The following TOGARAM2 variants were observed in gnomAD, a reference collection of about 807,000 sequenced individuals.
TOGARAM2 encodes the protein TOG array regulator of axonemal microtubules protein 2.
TOGARAM2 carries 85 observed loss-of-function variants against 93.3 expected under a neutral mutation model. The observed-to-expected ratio is 0.91, with a 90% CI of 0.76 to 1.09. The LOEUF (loss-of-function observed/expected upper bound fraction) is 1.09, where lower values mean the gene tolerates loss of function less well. Ranked by LOEUF, TOGARAM2 falls within the 50% of genes least tolerant of loss-of-function variation. The probability of loss-of-function intolerance (pLI) is 0.00; values close to 1 mark genes in which losing one functional copy is unlikely to be tolerated. For synonymous variants in TOGARAM2, 593 were observed against 552.8 expected (o/e 1.07, Z -1.02); for missense variants, 1,277 against 1,334.5 (o/e 0.96, Z 0.67).
At chr2:28,963,948 A>C (rs185958564) in intron 1 of TOGARAM2, among the ~76,000 whole-genome samples, 4 of 152,180 alleles carry the variant, frequency 2.6e-5, no homozygotes, top group Non-Finnish European at 4.4e-5. Context: ...TGGAGGTTGC[A>C]GTAAGCCAAG....
chr2:28,977,604 CGTGCAGTCA>C (rs1672056760), upstream of TOGARAM2, among the ~76,000 whole-genome samples: 1 of 152,186 alleles, frequency 6.6e-6, no homozygotes. Context: ...CCTCTCCCCA[CGTGCAGTCA>C]GGTTGGTGTC....
chr2:29,022,919 A>G (rs1420093743), intron 11 of TOGARAM2, among the ~76,000 whole-genome samples, 167 bp from the exon 12 acceptor site: 1 of 152,174 alleles, frequency 6.6e-6, no homozygotes, highest in Non-Finnish European at 1.5e-5. Context: ...TTAGGATTCC[A>G]GGCCAGGGTG....
rs202118942 is a variant in TOGARAM2 at position 29,002,723 on chromosome 2, C to G, written c.615C>G (p.His205Gln). Residue 205 changes from histidine (H) to glutamine (Q), a missense_variant, in exon 5 of 20, where the codon CAC (histidine) becomes CAG (glutamine). By Grantham distance (24) the His-to-Gln change is conservative. Transcript: ENST00000379558. ...LDLPGSIPGP[H>Q]ELRPGAQEAQ... Reference sequence around the variant, plus strand: ...TACCGGGGAGCATTCCGGGTCCTCACGAGTTGAGACCCGGTGCTCAGGAGG... The same window carrying G: ...TACCGGGGAGCATTCCGGGTCCTCAGGAGTTGAGACCCGGTGCTCAGGAGG... 9.9e-6 allele frequency: 16 copies of G among 1,613,626 alleles called. No homozygotes were observed. The highest frequency in any genetic ancestry group is 1.7e-5 in the Admixed American group (1 of 59,960).
rs150711143 is a variant in TOGARAM2 at position 29,020,086 on chromosome 2, C to T, written c.1361-2072C>T. On this transcript the variant is annotated intron_variant, in intron 10 of 19. Coordinates refer to ENST00000379558, the MANE Select transcript of TOGARAM2 (RefSeq NM_199280.4). ...TGCAGTCAGTCCCTACTACTGTGTCCGGTCCCCATTGGCTGGGGTTGGACA... is the reference window on the plus strand; with the variant it reads ...TGCAGTCAGTCCCTACTACTGTGTCTGGTCCCCATTGGCTGGGGTTGGACA... Among the ~76,000 whole-genome samples, 7 of 152,340 alleles carry T rather than the reference C, an allele frequency of 4.6e-5. No individual in the cohort carries two copies. The East Asian group carries it at 5.8e-4, about 13-fold the overall frequency.
At chr2:29,042,610 C>T (rs1432769358) in intron 18 of TOGARAM2, among the ~76,000 whole-genome samples, 1 of 152,216 alleles carries the variant, frequency 6.6e-6, no homozygotes, top group Non-Finnish European at 1.5e-5. Flanking sequence ...AGCTTACTCT[C>T]ACACCATCTG....
Position 29,006,861 on chromosome 2 carries a change from C to T in TOGARAM2, c.830+3179C>T, listed in dbSNP as rs572374196. Among the ~76,000 whole-genome samples the T allele has an allele frequency of 6.6e-5, 10 of 152,304 alleles. No individual in the cohort carries two copies. In the East Asian group the frequency reaches 1.7e-3, roughly 26 times the overall value. ...TCAGACGCTGGCCTCTTCCTCCCCT[C>T]GGAGCAGCCTTATCTGTGCCTCTCA... On this transcript the variant is annotated intron_variant, in intron 6 of 19. Coordinates refer to ENST00000379558, the MANE Select transcript of TOGARAM2 (RefSeq NM_199280.4).
intron 1 of TOGARAM2, among the ~76,000 whole-genome samples, chr2:28,992,141 C>A (rs1009379408): frequency 1.3e-5 from 2 of 152,132 alleles, no homozygotes; most frequent in Non-Finnish European, 2.9e-5. Context: ...TGGTGTCTGC[C>A]CTGTCCACAC....
intron 2 of TOGARAM2, 147 bp downstream of exon 2, chr2:28,995,009 G>T: frequency 1.0e-6 from 1 of 963,114 alleles, no homozygotes; most frequent in Non-Finnish European, 1.6e-6. Context: ...TTCCAGCCCT[G>T]GCCAGCTCCC....
chr2:28,982,322 TC>T (rs1672233274), intron 1 of TOGARAM2, among the ~76,000 whole-genome samples: 1 of 152,104 alleles, frequency 6.6e-6, no homozygotes, highest in African/African-American at 2.4e-5. Flanking sequence ...GCGGGGGACC[TC>T]AGAGGGCTGC....
rs1671884726 is a variant in TOGARAM2, at chr2:28,967,557, TATC to T, written c.-147+10863_-147+10865del. 2.6e-5 allele frequency among the ~76,000 whole-genome samples: 4 copies of T among 152,250 alleles called. No individual in the cohort carries two copies. The South Asian group carries it at 8.3e-4, about 32-fold the overall frequency. On this transcript the variant is annotated intron_variant, in intron 1 of 6. Coordinates refer to the TOGARAM2 transcript ENST00000401723. ...GTAGAAATTAAAGCTCTGGAACTCT[TATC>T]ATGAAATGTCCTCCACTGGCCCTAG...
intron 10 of TOGARAM2, among the ~76,000 whole-genome samples, chr2:29,019,180 T>TTC (rs1664778184): frequency 9.3e-6 from 1 of 107,526 alleles, no homozygotes; most frequent in Non-Finnish European, 1.7e-5. Flanking sequence ...ACTGACTCTT[T>TTC]TTTTTTTTTT....
At chr2:29,004,495 A>G (rs1673504122) in intron 6 of TOGARAM2, among the ~76,000 whole-genome samples, 1 of 152,154 alleles carries the variant, frequency 6.6e-6, no homozygotes, top group Non-Finnish European at 1.5e-5. Flanking sequence ...ATGGCTTGTA[A>G]GTAAGACAGT....
intron 18 of TOGARAM2, among the ~76,000 whole-genome samples, chr2:29,041,039 T>C (rs1666405350): frequency 6.6e-6 from 1 of 151,822 alleles, no homozygotes; most frequent in African/African-American, 2.4e-5. Flanking sequence ...TTTTTTTTTT[T>C]TTTGAGATGG....
intron 11 of TOGARAM2, among the ~76,000 whole-genome samples, chr2:29,022,692 A>G (rs1209204133): frequency 6.6e-6 from 1 of 152,208 alleles, no homozygotes; most frequent in Admixed American, 6.5e-5. Context: ...GTGGGGATGC[A>G]GGACCGTAGT....
upstream of TOGARAM2, among the ~76,000 whole-genome samples, chr2:28,978,652 G>C (rs1672069850): frequency 6.6e-6 from 1 of 152,196 alleles, no homozygotes; most frequent in Middle Eastern, 3.2e-3. Context: ...CCCTGTGGAT[G>C]TGGAGGGGGC....
chr2:28,966,503 G>A (rs1253359096), intron 1 of TOGARAM2, among the ~76,000 whole-genome samples: 2 of 151,856 alleles, frequency 1.3e-5, no homozygotes, highest in South Asian at 2.1e-4. Context: ...TCACCATGTT[G>A]GCCAGGATGG....
intron 1 of TOGARAM2, among the ~76,000 whole-genome samples, chr2:28,974,924 C>T (rs891159425): frequency 6.6e-6 from 1 of 152,030 alleles, no homozygotes; most frequent in African/African-American, 2.4e-5. Flanking sequence ...AGCCACTGTG[C>T]CCGGCCTTGT....
At chr2:28,981,062 A>C (rs970355647), upstream of TOGARAM2, among the ~76,000 whole-genome samples, 18 of 152,202 alleles carry the variant, frequency 1.2e-4, no homozygotes, top group African/African-American at 4.3e-4. Context: ...TCTACCAACA[A>C]CATCCCTGCA....
chr2:28,964,007 AAAAAG>A (rs1188829172), intron 1 of TOGARAM2, among the ~76,000 whole-genome samples: 1 of 152,158 alleles, frequency 6.6e-6, no homozygotes, highest in African/African-American at 2.4e-5. Context: ...AACTCCATCT[AAAAAG>A]AGAAGAATGT....
Sources: allele counts gnomAD v4.1 joint callset (sites outside exome capture counted in the v4.1 genomes callset), GRCh38; gene constraint gnomAD v4.1.1; transcripts MANE v1.5; gene names NCBI Gene and HGNC (gene_info 2026-07-23, HGNC 2026-07-21).